Variants in DOCK8 observed in about 807,000 individuals in gnomAD.
DOCK8 encodes dedicator of cytokinesis protein 8.
A neutral mutation model predicts 245.6 loss-of-function variants in DOCK8; 141 were observed. The observed-to-expected ratio is 0.57, with a 90% CI of 0.50 to 0.66. The LOEUF (loss-of-function observed/expected upper bound fraction) is 0.66, where lower values mean the gene tolerates loss of function less well. Ranked by LOEUF, DOCK8 falls within the 30% of genes least tolerant of loss-of-function variation. The pLI is 0.00. For missense variants in DOCK8, 2,965 were observed against 2,603.4 expected, an observed-to-expected ratio of 1.14 and a Z score of -3.02; for synonymous variants, 1,168 against 970.2, an observed-to-expected ratio of 1.20 and a Z score of -3.79.
chr9:295,474 T>C (rs1278953899), intron 4 of DOCK8, among the ~76,000 whole-genome samples: 1 of 152,214 alleles, frequency 6.6e-6, no homozygotes, highest in Non-Finnish European at 1.5e-5. Flanking sequence ...GTATTAGCTA[T>C]TATATTTATT....
chr9:303,904 G>A (rs2049681096), intron 4 of DOCK8, among the ~76,000 whole-genome samples: 1 of 152,322 alleles, frequency 6.6e-6, no homozygotes, highest in South Asian at 2.1e-4. Context: ...ATGTCTTTGA[G>A]TCATAAAAAT....
At chr9:377,702 C>A (rs10814449) in intron 20 of DOCK8, among the ~76,000 whole-genome samples, 1 of 152,022 alleles carries the variant, frequency 6.6e-6, no homozygotes, top group Non-Finnish European at 1.5e-5. Flanking sequence ...GTGCAATGAT[C>A]GCTACAATCT....
intron 1 of DOCK8, among the ~76,000 whole-genome samples, chr9:247,828 G>T (rs916741025): frequency 6.6e-6 from 1 of 152,000 alleles, no homozygotes; most frequent in African/African-American, 2.4e-5. Flanking sequence ...AGAAATGTTT[G>T]TTTCAAAAGT....
At chr9:315,633 C>A (rs918533686) in intron 6 of DOCK8, among the ~76,000 whole-genome samples, 1 of 152,106 alleles carries the variant, frequency 6.6e-6, no homozygotes, top group African/African-American at 2.4e-5. Context: ...TGGGAAGTTG[C>A]TTCTATGTAA....
chr9:218,376 C>T (rs2046810202), intron 1 of DOCK8, among the ~76,000 whole-genome samples: 3 of 152,212 alleles, frequency 2.0e-5, no homozygotes, highest in Admixed American at 2.0e-4. Flanking sequence ...AGTGAGCAGA[C>T]TATCTCACAG....
chr9:274,241 A>G lies in DOCK8; in HGVS notation c.156+2512A>G, dbSNP rs2048254423. On this transcript the variant is annotated intron_variant, in intron 2 of 47. Coordinates refer to ENST00000432829, the MANE Select transcript of DOCK8 (RefSeq NM_203447.4). ...CTAAGATATCAAGAAACCAGCAACA[A>G]TAAGTAAAATTGTTAAATTATGCAA... Among the ~76,000 whole-genome samples, 7 of 150,346 alleles carry G rather than the reference A, an allele frequency of 4.7e-5. No individual in the cohort carries two copies. The South Asian group carries it at 1.4e-3, about 31-fold the overall frequency.
intron 1 of DOCK8, among the ~76,000 whole-genome samples, chr9:252,730 G>A (rs2047678802): frequency 1.3e-5 from 2 of 150,280 alleles, no homozygotes; most frequent in South Asian, 2.1e-4. Context: ...CTTGAACCCG[G>A]GAGGTCGCAG....
At chr9:214,853 C>G, upstream of DOCK8, 1 of 1,602,366 alleles carries the variant, frequency 6.2e-7, no homozygotes, top group Non-Finnish European at 8.5e-7. Context: ...GCGGAAGTTT[C>G]CAGCGCCGAC....
intron 14 of DOCK8, among the ~76,000 whole-genome samples, chr9:341,966 T>C (rs1172649985): frequency 6.6e-6 from 1 of 152,248 alleles, no homozygotes; most frequent in African/African-American, 2.4e-5. Context: ...TGCCTGATAT[T>C]CTGTCGCTGT....
chr9:289,582 G>T lies in DOCK8; in HGVS notation c.404+1G>T. The T allele has an allele frequency of 1.2e-6, 2 of 1,609,588 alleles. No homozygotes were observed. The highest frequency in any genetic ancestry group is 8.5e-7 in the Non-Finnish European group (1 of 1,177,958). On this transcript the variant is annotated splice_donor_variant, in intron 4 of 47. Transcript: ENST00000432829. LOFTEE classifies it high-confidence loss of function. ...GTGAGTGGCTAATCGTGAACCGGAA[G>T]TAAGTTACTTTTTTTCCACTTTTTG... is the stretch of plus-strand genomic sequence containing the variant.
chr9:425,259 A>G lies in DOCK8; in HGVS notation c.4242-1626A>G, dbSNP rs540245846. ...TAAAAAGGATGATAAGGGGCCGGGC[A>G]CAGTGGCTCACACCTGTAATCCCAG... is the stretch of plus-strand genomic sequence containing the variant. On this transcript the variant is annotated intron_variant, in intron 33 of 47. Coordinates refer to ENST00000432829, the MANE Select transcript of DOCK8 (RefSeq NM_203447.4). Among the ~76,000 whole-genome samples, 90 of 152,322 alleles carry G rather than the reference A, an allele frequency of 5.9e-4. 1 individual carries two copies. In the South Asian group the frequency reaches 7.5e-3, roughly 13 times the overall value.
chr9:305,338 A>G (rs181679436), intron 5 of DOCK8, among the ~76,000 whole-genome samples: 2,487 of 150,878 alleles, frequency 0.016, 77 homozygotes, highest in African/African-American at 0.057. Flanking sequence ...GCTGGACTGC[A>G]GTGGCACGAT....
chr9:437,433 G>C (rs1035381114), intron 39 of DOCK8, among the ~76,000 whole-genome samples: 3 of 152,198 alleles, frequency 2.0e-5, no homozygotes, highest in African/African-American at 7.2e-5. Flanking sequence ...CTGAACATCT[G>C]ATCCTGTGCT....
At chr9:333,469 C>T (rs1052194516) in intron 10 of DOCK8, among the ~76,000 whole-genome samples, 5 of 152,074 alleles carry the variant, frequency 3.3e-5, no homozygotes, top group East Asian at 1.9e-4. Flanking sequence ...GGCATGGTGG[C>T]ACGTGCCTGT....
chr9:423,443 T>C (rs769288236), intron 33 of DOCK8, among the ~76,000 whole-genome samples: 5 of 152,186 alleles, frequency 3.3e-5, no homozygotes, highest in African/African-American at 9.7e-5. Flanking sequence ...CAAGGTAGGA[T>C]ACCCCATGGG....
At chr9:315,331 G>A (rs1273935618) in intron 6 of DOCK8, among the ~76,000 whole-genome samples, 1 of 152,106 alleles carries the variant, frequency 6.6e-6, no homozygotes, top group African/African-American at 2.4e-5. Context: ...GTTTGCTTGG[G>A]AATTAGTTGC....
At chr9:227,661 A>T (rs574965799) in intron 1 of DOCK8, among the ~76,000 whole-genome samples, 5 of 152,278 alleles carry the variant, frequency 3.3e-5, no homozygotes, top group Admixed American at 2.6e-4. Flanking sequence ...GAACATTTCT[A>T]TTGGGCGGCT....
chr9:347,213 A>C (rs899314719), intron 14 of DOCK8, among the ~76,000 whole-genome samples: 3 of 152,092 alleles, frequency 2.0e-5, no homozygotes, highest in Non-Finnish European at 4.4e-5. Flanking sequence ...GGAGTTGTCA[A>C]ATGCTCCATA....
intron 43 of DOCK8, among the ~76,000 whole-genome samples, chr9:445,784 T>C (rs944920414): frequency 6.6e-6 from 1 of 152,212 alleles, no homozygotes; most frequent in African/African-American, 2.4e-5. Flanking sequence ...TGTACAGGTT[T>C]TTGTATGGAC....
Sources: gnomAD v4.1 joint callset for allele counts (sites outside exome capture counted in the v4.1 genomes callset) on GRCh38, gnomAD v4.1.1 for gene constraint, MANE v1.5 for transcripts, NCBI Gene and HGNC (gene_info 2026-07-23, HGNC 2026-07-21) for gene names.